CFAP54: variants seen among roughly 807,000 people sequenced by gnomAD.
CFAP54 encodes the protein cilia- and flagella-associated protein 54.
CFAP54 carries 290 observed loss-of-function variants against 370.4 expected under a neutral mutation model. That is an observed-to-expected ratio of 0.78 (90% CI 0.71 to 0.86). The LOEUF (loss-of-function observed/expected upper bound fraction) is 0.86. CFAP54 is among the 40% of genes least tolerant of loss of function. The probability of loss-of-function intolerance (pLI) is 0.00; values close to 1 mark genes in which losing one functional copy is unlikely to be tolerated. For synonymous variants in CFAP54, 1,206 were observed against 1,236.5 expected, an observed-to-expected ratio of 0.98 and a Z score of 0.52; for missense variants, 3,399 against 3,528.7, an observed-to-expected ratio of 0.96 and a Z score of 0.93.
intron 60 of CFAP54, among the ~76,000 whole-genome samples, chr12:96,774,248 G>T (rs1295440455): frequency 1.3e-5 from 2 of 152,008 alleles, no homozygotes; most frequent in Non-Finnish European, 2.9e-5. Flanking sequence ...TAATTTTTCA[G>T]TTGTTGCTTA....
Position 96,792,414 on chromosome 12 carries a change from T to C in CFAP54, c.8765T>C (p.Met2922Thr). The change falls in exon 63 of 68, where the codon ATG becomes ACG. Residue 2922 changes from methionine to threonine, a missense_variant. Around this residue, in one of 3 missense-constraint regions of CFAP54, gnomAD observed 2,796 missense variants for 2,869.7 expected, o/e 0.97. Transcript: ENST00000524981. The stretch of plus-strand genomic sequence containing the variant: ...TGTGTGGACATAACGCCAATAGAAA[T>C]GGTAACGCAAGCTTCAAACAAAGAA... ...SSCVDITPIE[M>T]VTQASNKELC... 1 of 1,535,936 alleles carries C rather than the reference T, an allele frequency of 6.5e-7. No individual in the cohort carries two copies. The highest frequency in any genetic ancestry group is 2.0e-5 in the Admixed American group (1 of 50,994).
chr12:96,785,053 G>A (rs1958615473), intron 61 of CFAP54, among the ~76,000 whole-genome samples, 163 bp downstream of exon 61: 1 of 152,074 alleles, frequency 6.6e-6, no homozygotes, highest in African/African-American at 2.4e-5. Flanking sequence ...ATGCATCTTT[G>A]GATAGAATAG....
Position 96,554,239 on chromosome 12 carries a change from G to A in CFAP54, c.2212G>A (p.Gly738Arg). The A allele has an allele frequency of 3.3e-6, 5 of 1,527,080 alleles. No homozygotes were observed. The highest frequency in any genetic ancestry group is 1.4e-5 in the African/African-American group (1 of 72,716). 94.6% of individuals were successfully genotyped at this position (1,527,080 alleles called of 1,614,324 possible). Residue 738 changes from glycine to arginine, a missense_variant, in exon 16 of 68, where the codon GGA becomes AGA. Physicochemically the swap from Gly to Arg is moderately radical, Grantham distance 125. Around this residue, in one of 3 missense-constraint regions of CFAP54, gnomAD observed 2,796 missense variants for 2,869.7 expected, o/e 0.97. Coordinates refer to ENST00000524981, the MANE Select transcript of CFAP54 (RefSeq NM_001306084.2). Reference sequence around the variant, plus strand: ...TAAACTTCTTGACAGAGCAATCGGTGGAATAAATTTGAATTGCATGTTAAC... The same window carrying A: ...TAAACTTCTTGACAGAGCAATCGGTAGAATAAATTTGAATTGCATGTTAAC... ...AYKLLDRAIG[G>R]INLNCMLTSL...
intron 26 of CFAP54, among the ~76,000 whole-genome samples, chr12:96,603,375 G>C (rs1956265061): frequency 6.6e-6 from 1 of 152,064 alleles, no homozygotes; most frequent in African/African-American, 2.4e-5. Context: ...CTTTCTCTCT[G>C]GCTGCCCTTA....
chr12:96,551,505 G>A (rs1374221132), intron 15 of CFAP54, among the ~76,000 whole-genome samples: 1 of 148,142 alleles, frequency 6.8e-6, no homozygotes, highest in Non-Finnish European at 1.5e-5. Flanking sequence ...GTGTGTGTGT[G>A]TGTGTGTGTG....
At chr12:96,614,298 T>C (rs1273746440) in intron 26 of CFAP54, among the ~76,000 whole-genome samples, 2 of 152,148 alleles carry the variant, frequency 1.3e-5, no homozygotes, top group African/African-American at 2.4e-5. Context: ...AAAAGGCCTT[T>C]GACAAAATTC....
intron 1 of CFAP54, among the ~76,000 whole-genome samples, chr12:96,496,021 G>A (rs537263213): frequency 2.0e-5 from 3 of 152,276 alleles, no homozygotes; most frequent in East Asian, 3.9e-4. Context: ...GCAAATGAAA[G>A]TGAAAGAGGT....
At chr12:96,545,739 C>G (rs540853499) in intron 14 of CFAP54, among the ~76,000 whole-genome samples, 1 of 152,198 alleles carries the variant, frequency 6.6e-6, no homozygotes, top group South Asian at 2.1e-4. Flanking sequence ...TAGATCATAC[C>G]CTTTTTGTCC....
At chr12:96,594,242 C>A in intron 24 of CFAP54, 49 bp from the exon 25 acceptor site, 2 of 1,328,636 alleles carry the variant, frequency 1.5e-6, no homozygotes, top group South Asian at 1.5e-5. Context: ...GAGACACATA[C>A]GCTAAGCACC....
In CFAP54 at chr12:96,867,388, G is replaced by A. The variant is rs145320193; in HGVS notation, c.*14+6436G>A. Among the ~76,000 whole-genome samples, 7 of 152,180 alleles carry A rather than the reference G, an allele frequency of 4.6e-5. No homozygotes were observed. The East Asian group carries it at 9.7e-4, about 21-fold the overall frequency. On this transcript the variant is annotated intron_variant, in intron 67 of 67. Coordinates refer to ENST00000524981, the MANE Select transcript of CFAP54 (RefSeq NM_001306084.2). ...TCAAAAAGCTCACATCTGATCCAGC[G>A]ATCTAACTACTGGCTATATATCCAA... is the stretch of plus-strand genomic sequence containing the variant.
At chr12:96,508,246 T>A (rs2136355019) in intron 4 of CFAP54, among the ~76,000 whole-genome samples, 1 of 148,000 alleles carries the variant, frequency 6.8e-6, no homozygotes, top group East Asian at 2.1e-4. Flanking sequence ...CCATTCTGCA[T>A]CAGCCTTCCA....
At position 96,790,841 on chromosome 12, in the gene CFAP54, C is replaced by T. The variant is rs965323553; in HGVS notation, c.8680-1488C>T. On this transcript the variant is annotated intron_variant, in intron 62 of 67. Transcript: ENST00000524981. Reference sequence around the variant, plus strand: ...GTCTCTAGACATTTAGAAAACTTTTCACATTTAATATTACCTTTCAGTCAA... The same window carrying T: ...GTCTCTAGACATTTAGAAAACTTTTTACATTTAATATTACCTTTCAGTCAA... Among the ~76,000 whole-genome samples, 12 of 152,288 alleles carry T rather than the reference C, an allele frequency of 7.9e-5. No individual in the cohort carries two copies. The East Asian group carries it at 2.3e-3, about 29-fold the overall frequency.
chr12:96,544,436 C>G (rs1029869968), intron 14 of CFAP54, among the ~76,000 whole-genome samples: 156 of 132,098 alleles, frequency 1.2e-3, no homozygotes, highest in Non-Finnish European at 2.6e-3. Context: ...CTCTCTCTCT[C>G]TCTCTCTGAC....
At chr12:96,817,492 C>T (rs1958988760) in intron 64 of CFAP54, among the ~76,000 whole-genome samples, 5 of 151,680 alleles carry the variant, frequency 3.3e-5, no homozygotes, top group Admixed American at 2.6e-4. Flanking sequence ...GCAATCTCCG[C>T]TCACTGCAAG....
chr12:96,593,000 G>A (rs1857012283), intron 24 of CFAP54, among the ~76,000 whole-genome samples: 1 of 152,014 alleles, frequency 6.6e-6, no homozygotes, highest in Admixed American at 6.6e-5. Context: ...AGACAAATCT[G>A]TTATTATTAT....
chr12:96,585,823 A>G (rs536180675), intron 22 of CFAP54, among the ~76,000 whole-genome samples: 1 of 152,306 alleles, frequency 6.6e-6, no homozygotes, highest in South Asian at 2.1e-4. Flanking sequence ...TGCCCAAGCC[A>G]GCCCAGACAG....
chr12:96,719,332 A>C (rs915617860), intron 49 of CFAP54, among the ~76,000 whole-genome samples: 1 of 152,222 alleles, frequency 6.6e-6, no homozygotes, highest in East Asian at 1.9e-4. Flanking sequence ...GTTCTTAAAC[A>C]TTATACTGAA....
intron 63 of CFAP54, among the ~76,000 whole-genome samples, chr12:96,803,898 AT>A (rs1958850165): frequency 6.6e-6 from 1 of 152,172 alleles, no homozygotes; most frequent in Non-Finnish European, 1.5e-5. Context: ...AATAAAAATA[AT>A]TCCCTGAAAT....
intron 39 of CFAP54, among the ~76,000 whole-genome samples, chr12:96,664,620 G>A (rs1306410736): frequency 7.0e-4 from 39 of 55,532 alleles, no homozygotes; most frequent in African/African-American, 2.3e-3. Context: ...TACCAAGAAC[G>A]TATGTGTGTG....
Sources: gnomAD v4.1 joint callset for allele counts (sites outside exome capture counted in the v4.1 genomes callset) on GRCh38, gnomAD v4.1.1 for gene constraint, gnomAD v4.1.1 regional missense constraint, MANE v1.5 for transcripts, NCBI Gene and HGNC (gene_info 2026-07-23, HGNC 2026-07-21) for gene names.